The following AGL variants were observed in gnomAD, a reference collection of about 807,000 sequenced individuals.
AGL encodes amylo-alpha-1,6-glucosidase and 4-alpha-glucanotransferase.
In AGL, 128 loss-of-function variants were observed where a neutral mutation model predicts 199.3. The ratio of observed to expected loss-of-function variants is 0.64; its 90% CI spans 0.56 to 0.74. The LOEUF (loss-of-function observed/expected upper bound fraction) is 0.74. Ranked by LOEUF, AGL falls within the 30% of genes least tolerant of loss-of-function variation. The pLI is 0.00. For missense variants in AGL, 1,809 were observed against 1,820.8 expected (o/e 0.99, Z 0.12); for synonymous variants, 584 against 594.7 (o/e 0.98, Z 0.26).
At position 99,881,519 on chromosome 1, in the gene AGL, AGTT is replaced by A. The variant is rs770934299; in HGVS notation, c.2158-18_2158-16del. ...GTCTTTCCAGTTTGAGAGCTAATCT[AGTT>A]GTTCTTTCTGCTTCTCAGGTGTATG... On this transcript the variant is annotated intron_variant, in intron 16 of 33. Coordinates refer to ENST00000361915, the MANE Select transcript of AGL (RefSeq NM_000642.3). 432 of 1,613,802 alleles carry A rather than the reference AGTT, an allele frequency of 2.7e-4. 1 individual carries two copies. Among genetic ancestry groups the A allele is most frequent in the Non-Finnish European group, 3.4e-4 (406 of 1,179,952 alleles).
At chr1:99,894,909 T>C (rs1318646881) in intron 24 of AGL, among the ~76,000 whole-genome samples, 5 of 152,202 alleles carry the variant, frequency 3.3e-5, no homozygotes, top group South Asian at 2.1e-4. Context: ...TGGGAAGATA[T>C]ATGCATTCAA....
At chr1:99,863,319 T>A (rs1392749821) in intron 4 of AGL, among the ~76,000 whole-genome samples, 1 of 152,028 alleles carries the variant, frequency 6.6e-6, no homozygotes, top group South Asian at 2.1e-4. Context: ...ATGAAGGAAC[T>A]CCATAATGAA....
chr1:99,916,442 C>T lies in AGL; in HGVS notation c.4292C>T (p.Ala1431Val). The T allele has an allele frequency of 6.2e-7, 1 of 1,612,320 alleles. No homozygotes were observed. The highest frequency in any genetic ancestry group is 2.2e-5 in the East Asian group (1 of 44,742). Residue 1431 changes from alanine (A) to valine (V), a missense_variant, in exon 32 of 34, where the codon GCA becomes GTA. By Grantham distance (64) the Ala-to-Val change is moderately conservative. Transcript: ENST00000361915. ...GTTTACTGTGGAATTTATGACAATG[C>T]ATTAGACAATGACAACTACAATCTT... ...DMVYCGIYDN[A>V]LDNDNYNLAK...
At chr1:99,907,693 G>GTTTTTTGTTTTTTTTTTTTTTTTTTTTT (rs1553191713) in intron 27 of AGL, among the ~76,000 whole-genome samples, 1 of 118,940 alleles carries the variant, frequency 8.4e-6, no homozygotes, top group African/African-American at 3.0e-5. Flanking sequence ...TTTGTTTTTT[G>GTTTTTTGTTTTTTTTTTTTTTTTTTTTT]TTTTTTTTGC....
intron 7 of AGL, among the ~76,000 whole-genome samples, chr1:99,871,670 A>G (rs1041157604): frequency 6.6e-6 from 1 of 152,172 alleles, no homozygotes; most frequent in Non-Finnish European, 1.5e-5. Flanking sequence ...AGCTTCATGC[A>G]TCAACTTTTG....
At chr1:99,874,510 C>G (rs564803660) in intron 7 of AGL, 177 bp from the exon 8 acceptor site, 1 of 623,488 alleles carries the variant, frequency 1.6e-6, no homozygotes, top group African/African-American at 1.8e-5. Context: ...CGTGCACGCA[C>G]GTGCACACAC....
intron 5 of AGL, among the ~76,000 whole-genome samples, chr1:99,866,555 C>T (rs116371229): frequency 4.6e-5 from 7 of 152,256 alleles, no homozygotes; most frequent in African/African-American, 1.7e-4. Flanking sequence ...CTTGCCATAC[C>T]TACCTTAAAG....
chr1:99,878,424 TTTAA>T (rs1451615577), intron 12 of AGL, among the ~76,000 whole-genome samples: 2 of 152,070 alleles, frequency 1.3e-5, no homozygotes, highest in East Asian at 1.9e-4. Context: ...GCCTCATCGA[TTTAA>T]TTTTTATTAT....
At chr1:99,908,861 A>G (rs1190413571) in intron 27 of AGL, among the ~76,000 whole-genome samples, 1 of 152,088 alleles carries the variant, frequency 6.6e-6, no homozygotes, top group Non-Finnish European at 1.5e-5. Flanking sequence ...ATTCTGGTCT[A>G]CTTCATTCAT....
intron 25 of AGL, among the ~76,000 whole-genome samples, chr1:99,899,822 G>A (rs984137850): frequency 1.3e-5 from 2 of 151,510 alleles, no homozygotes; most frequent in African/African-American, 2.4e-5. Flanking sequence ...GGGTTTCACC[G>A]TGTTAGTCAG....
intron 24 of AGL, among the ~76,000 whole-genome samples, chr1:99,894,183 T>G (rs1206376838): frequency 6.7e-6 from 1 of 150,046 alleles, no homozygotes; most frequent in Admixed American, 6.6e-5. Flanking sequence ...GGAGACCCTG[T>G]CTCAAAAAAA....
chr1:99,880,147 C>A, intron 13 of AGL, 101 bp downstream of exon 13: 1 of 1,497,846 alleles, frequency 6.7e-7, no homozygotes, highest in Non-Finnish European at 9.2e-7. Flanking sequence ...AATTTTTTAA[C>A]ACAGTTAATG....
rs557516658 is a variant in AGL at position 99,874,792 on chromosome 1, C to T, written c.1064C>T (p.Thr355Met). ...GCTVDMNIAL[T>M]TFIPHDKGPA... ...ACTGTAGATATGAACATTGCACTAACGACTTTCATACCACATGAGTATGTA... is the reference window on the plus strand; with the variant it reads ...ACTGTAGATATGAACATTGCACTAATGACTTTCATACCACATGAGTATGTA... Residue 355 changes from threonine to methionine, a missense_variant, in exon 8 of 34, where the codon ACG (threonine) becomes ATG (methionine). Coordinates refer to ENST00000361915, the MANE Select transcript of AGL (RefSeq NM_000642.3). The T allele has an allele frequency of 1.2e-5, 20 of 1,613,676 alleles. No individual in the cohort carries two copies. Among genetic ancestry groups the T allele is most frequent in the Admixed American group, 6.7e-5 (4 of 60,024 alleles).
intron 12 of AGL, among the ~76,000 whole-genome samples, chr1:99,879,640 G>T (rs1396290189): frequency 6.6e-6 from 1 of 151,996 alleles, no homozygotes; most frequent in African/African-American, 2.4e-5. Flanking sequence ...AAACCTAACA[G>T]AATTGTAGTG....
At chr1:99,919,608 T>A (rs1415408268) in intron 33 of AGL, among the ~76,000 whole-genome samples, 1 of 152,222 alleles carries the variant, frequency 6.6e-6, no homozygotes. Flanking sequence ...TACACACTTA[T>A]CTTCATCTCA....
intron 8 of AGL, 32 bp downstream of exon 8, chr1:99,874,842 A>T: frequency 6.2e-7 from 1 of 1,606,368 alleles, no homozygotes. Context: ...GTGAAATAAT[A>T]ATATTACTTA....
At chr1:99,882,796 T>G (rs1036476514) in intron 17 of AGL, among the ~76,000 whole-genome samples, 7 of 152,234 alleles carry the variant, frequency 4.6e-5, no homozygotes, top group African/African-American at 1.7e-4. Context: ...GTTGATTGAT[T>G]GACCAAATGA....
At chr1:99,852,185 T>C (rs1044539327) in intron 2 of AGL, among the ~76,000 whole-genome samples, 1 of 152,130 alleles carries the variant, frequency 6.6e-6, no homozygotes, top group Non-Finnish European at 1.5e-5. Flanking sequence ...TGGCCTCAAC[T>C]GTTGCCTCTG....
rs1361507097 is a variant in AGL, at chr1:99,913,656, G to A, written c.4079G>A (p.Gly1360Asp). The change falls in exon 30 of 34, where the codon GGC (glycine) becomes GAC (aspartate). Residue 1360 changes from glycine to aspartate, a missense_variant. Gly to Asp is a moderately conservative substitution (Grantham distance 94). Coordinates refer to ENST00000361915, the MANE Select transcript of AGL (RefSeq NM_000642.3). ...EKHPNLVHKR[G>D]IYKDSYGASS... is the part of the protein sequence containing the mutation. ...CATCCAAATCTGGTTCACAAACGTG[G>A]CATATACAAAGATAGTTATGGAGCT... 6.2e-7 allele frequency: 1 copy of A among 1,614,090 alleles called. No individual in the cohort carries two copies. The highest frequency in any genetic ancestry group is 1.7e-5 in the Admixed American group (1 of 60,024).
Sources: allele counts gnomAD v4.1 joint callset (sites outside exome capture counted in the v4.1 genomes callset), GRCh38; gene constraint gnomAD v4.1.1; transcripts MANE v1.5; gene names NCBI Gene and HGNC (gene_info 2026-07-23, HGNC 2026-07-21).